ZMAT4: variants seen among roughly 807,000 people sequenced by gnomAD.
ZMAT4 encodes zinc finger matrin-type 4.
ZMAT4 carries 17 observed loss-of-function variants against 28.7 expected under a neutral mutation model. The observed-to-expected ratio is 0.59, with a 90% CI of 0.41 to 0.89. The LOEUF (loss-of-function observed/expected upper bound fraction) is 0.89, where lower values mean the gene tolerates loss of function less well. ZMAT4 is among the 40% of genes least tolerant of loss of function. The probability of loss-of-function intolerance (pLI) is 0.00; values close to 1 mark genes in which losing one functional copy is unlikely to be tolerated. For synonymous variants in ZMAT4, 117 were observed against 109.2 expected (o/e 1.07, Z -0.44); for missense variants, 240 against 283.8 (o/e 0.85, Z 1.11).
chr8:40,538,889 G>T (rs979157063), intron 6 of ZMAT4, among the ~76,000 whole-genome samples: 3 of 151,898 alleles, frequency 2.0e-5, no homozygotes, highest in Non-Finnish European at 2.9e-5. Flanking sequence ...GGGTTCGAGC[G>T]ATTCTCCTGC....
At chr8:40,676,653 G>T (rs1808923372) in intron 4 of ZMAT4, among the ~76,000 whole-genome samples, 1 of 152,134 alleles carries the variant, frequency 6.6e-6, no homozygotes. Flanking sequence ...AGTAATGCCT[G>T]TATCATAACA....
intron 3 of ZMAT4, among the ~76,000 whole-genome samples, chr8:40,740,129 G>T (rs1036999458): frequency 6.6e-6 from 1 of 152,188 alleles, no homozygotes; most frequent in African/African-American, 2.4e-5. Flanking sequence ...CTTTAGAGTA[G>T]AATGATTTAT....
At chr8:40,760,728 C>CTCTCTG (rs1554552290) in intron 3 of ZMAT4, among the ~76,000 whole-genome samples, 1 of 151,420 alleles carries the variant, frequency 6.6e-6, no homozygotes, top group Non-Finnish European at 1.5e-5. Context: ...CTCTCTCTCT[C>CTCTCTG]TCTCTCTGTC....
At chr8:40,845,813 G>GC (rs2150630596) in intron 1 of ZMAT4, among the ~76,000 whole-genome samples, 1 of 52,162 alleles carries the variant, frequency 1.9e-5, no homozygotes, top group East Asian at 1.2e-3. Context: ...AGAGACTAAG[G>GC]GTGGAGGGGG....
At chr8:40,713,921 C>CAAAAAAAAAAAAAAAA (rs532317102) in intron 3 of ZMAT4, among the ~76,000 whole-genome samples, 3 of 50,006 alleles carry the variant, frequency 6.0e-5, no homozygotes, top group African/African-American at 2.0e-4. Flanking sequence ...AAAACAAAAC[C>CAAAAAAAAAAAAAAAA]AAAAAAAAAA....
intron 5 of ZMAT4, among the ~76,000 whole-genome samples, chr8:40,655,188 C>T (rs960533102): frequency 2.0e-5 from 3 of 151,488 alleles, no homozygotes; most frequent in African/African-American, 7.3e-5. Flanking sequence ...ATGAGCAATC[C>T]AAAAATAAAA....
At chr8:40,822,568 G>C (rs927498127) in intron 2 of ZMAT4, among the ~76,000 whole-genome samples, 1 of 152,174 alleles carries the variant, frequency 6.6e-6, no homozygotes, top group Non-Finnish European at 1.5e-5. Flanking sequence ...GTTTTCAAAT[G>C]GCCTTAGAGA....
chr8:40,715,724 C>A (rs1810822299), intron 3 of ZMAT4, among the ~76,000 whole-genome samples: 1 of 152,196 alleles, frequency 6.6e-6, no homozygotes, highest in Admixed American at 6.5e-5. Context: ...GAAGCCCAGA[C>A]ATGCATGGGG....
At chr8:40,648,879 G>A (rs1056664062) in intron 5 of ZMAT4, among the ~76,000 whole-genome samples, 5 of 142,002 alleles carry the variant, frequency 3.5e-5, no homozygotes, top group African/African-American at 1.3e-4. Flanking sequence ...AATGCTGAGA[G>A]ATTTTGTCAC....
chr8:40,878,515 G>A (rs1432448294), intron 1 of ZMAT4, among the ~76,000 whole-genome samples: 2 of 152,172 alleles, frequency 1.3e-5, no homozygotes, highest in Admixed American at 1.3e-4. Context: ...GTCCAACTTA[G>A]AAAAATGGGT....
intron 1 of ZMAT4, among the ~76,000 whole-genome samples, chr8:40,889,953 C>A (rs934348441): frequency 6.6e-6 from 1 of 152,186 alleles, no homozygotes; most frequent in Admixed American, 6.5e-5. Flanking sequence ...CACATATCCA[C>A]CAGCTAAGTC....
At chr8:40,714,818 A>C (rs1170005433) in intron 3 of ZMAT4, among the ~76,000 whole-genome samples, 2 of 152,292 alleles carry the variant, frequency 1.3e-5, no homozygotes, top group Admixed American at 1.3e-4. Flanking sequence ...TGGGAGGCCA[A>C]GGCTGGCGGA....
At chr8:40,734,957 G>A (rs1811698954) in intron 3 of ZMAT4, among the ~76,000 whole-genome samples, 3 of 152,180 alleles carry the variant, frequency 2.0e-5, no homozygotes, top group Admixed American at 2.0e-4. Context: ...AGCCTGTTGA[G>A]TTTGCTGTTT....
intron 4 of ZMAT4, among the ~76,000 whole-genome samples, chr8:40,684,916 C>T (rs1184573614): frequency 6.6e-6 from 1 of 152,086 alleles, no homozygotes; most frequent in Non-Finnish European, 1.5e-5. Context: ...AAAGGGACCT[C>T]ATGGTTTCTC....
At chr8:40,794,235 C>T (rs778705719) in intron 2 of ZMAT4, among the ~76,000 whole-genome samples, 2 of 152,130 alleles carry the variant, frequency 1.3e-5, no homozygotes, top group Non-Finnish European at 2.9e-5. Flanking sequence ...TTAGGAAGAA[C>T]TGACTTCATG....
chr8:40,697,471 C>A, intron 3 of ZMAT4, 70 bp from the exon 4 acceptor site: 2 of 1,375,884 alleles, frequency 1.5e-6, no homozygotes, highest in Non-Finnish European at 1.9e-6. Flanking sequence ...GAGACTTACC[C>A]AGACGAACTA....
At chr8:40,732,613 T>A (rs1811587728) in intron 3 of ZMAT4, among the ~76,000 whole-genome samples, 1 of 152,124 alleles carries the variant, frequency 6.6e-6, no homozygotes, top group East Asian at 1.9e-4. Context: ...GGAAGGACAG[T>A]CTATAGCTAT....
At chr8:40,607,117 C>CTTTT (rs71544299) in intron 5 of ZMAT4, among the ~76,000 whole-genome samples, 61 of 65,692 alleles carry the variant, frequency 9.3e-4, no homozygotes, top group Admixed American at 1.3e-3. Context: ...TATCTTGTAT[C>CTTTT]TTTTTTTTTT....
Position 40,685,039 on chromosome 8 carries a change from A to G in ZMAT4, c.350-10108T>C, listed in dbSNP as rs142463239. Among the ~76,000 whole-genome samples, 420 of 152,306 alleles carry G rather than the reference A, an allele frequency of 2.8e-3. 3 individuals carry two copies. Among genetic ancestry groups the G allele is most frequent in the African/African-American group, 9.6e-3 (397 of 41,568 alleles). On this transcript the variant is annotated intron_variant, in intron 4 of 6. Coordinates refer to ENST00000297737, the MANE Select transcript of ZMAT4 (RefSeq NM_024645.3). Reference sequence around the variant, plus strand: ...ATTGGCTGCGTTTTGTATTTAAATGATGAATATTAGTTATGCATATATTTT... The same window carrying G: ...ATTGGCTGCGTTTTGTATTTAAATGGTGAATATTAGTTATGCATATATTTT...
Sources: allele counts gnomAD v4.1 joint callset (sites outside exome capture counted in the v4.1 genomes callset), GRCh38; gene constraint gnomAD v4.1.1; transcripts MANE v1.5; gene names NCBI Gene and HGNC (gene_info 2026-07-23, HGNC 2026-07-21).